NLN: variants seen among roughly 807,000 people sequenced by gnomAD.
NLN encodes the protein neurolysin, mitochondrial.
NLN carries 64 observed loss-of-function variants against 79.9 expected under a neutral mutation model. That is an observed-to-expected ratio of 0.80 (90% confidence interval 0.65 to 0.99). The LOEUF is 0.99. Ranked by LOEUF, NLN falls within the 50% of genes least tolerant of loss-of-function variation. The probability of loss-of-function intolerance (pLI) is 0.00; values close to 1 mark genes in which losing one functional copy is unlikely to be tolerated. For missense variants in NLN, 835 were observed against 858.7 expected (o/e 0.97, Z 0.34); for synonymous variants, 267 against 296.6 (o/e 0.90, Z 1.02).
chr5:65,800,222 A>G (rs760930951), intron 9 of NLN, among the ~76,000 whole-genome samples: 4 of 152,270 alleles, frequency 2.6e-5, no homozygotes, highest in Non-Finnish European at 5.9e-5. Flanking sequence ...CTTTAAATAC[A>G]GCAGAAGCTC....
chr5:65,769,546 AT>A (rs1033856636), intron 3 of NLN, among the ~76,000 whole-genome samples: 1 of 152,176 alleles, frequency 6.6e-6, no homozygotes, highest in African/African-American at 2.4e-5. Context: ...CCCACAAAAA[AT>A]TTTTTTAAAA....
Position 65,812,309 on chromosome 5 carries a change from A to G in NLN, c.1898A>G (p.Tyr633Cys), listed in dbSNP as rs754761409. 3.7e-6 allele frequency: 6 copies of G among 1,605,860 alleles called. No individual in the cohort carries two copies. The highest frequency in any genetic ancestry group is 3.3e-5 in the South Asian group (3 of 90,912). ...GHLAGGYDGQ[Y>C]YGYLWSEVFS... ...TTGGCAGGGGGATACGATGGCCAAT[A>G]TTATGGATATCTTTGGAGTGAAGTA... is the stretch of plus-strand genomic sequence containing the variant. The change falls in exon 12 of 13, where the codon TAT becomes TGT. Residue 633 changes from tyrosine (Y) to cysteine (C), a missense_variant. By Grantham distance (194) the Tyr-to-Cys change is radical. Transcript: ENST00000380985.
chr5:65,796,223 GCAT>G (rs983095224), intron 9 of NLN, among the ~76,000 whole-genome samples: 3 of 152,124 alleles, frequency 2.0e-5, no homozygotes, highest in Admixed American at 6.5e-5. Context: ...TGCTCTTGAT[GCAT>G]GTTCGTTTTT....
intron 12 of NLN, among the ~76,000 whole-genome samples, chr5:65,815,109 TA>T: frequency 6.6e-6 from 1 of 152,226 alleles, no homozygotes; most frequent in East Asian, 1.9e-4. Flanking sequence ...TATGACGTCT[TA>T]CTGGCAATCA....
rs565847513 is a variant in NLN, at chr5:65,809,605, G to A, written c.1618G>A (p.Asp540Asn). The change falls in exon 10 of 13, where the codon GAT becomes AAT. Residue 540 changes from aspartate (D) to asparagine (N), a missense_variant. Asp to Asn is a conservative substitution (Grantham distance 23). Transcript: ENST00000380985. ...QMLENWVWDV[D>N]SLRRLSKHYK... ...GCTTGAAAATTGGGTGTGGGACGTC[G>A]ATTCCCTCCGAAGATTGTCAAAACA... The A allele has an allele frequency of 4.3e-6, 7 of 1,613,852 alleles. No homozygotes were observed. The highest frequency in any genetic ancestry group is 2.2e-5 in the South Asian group (2 of 91,040).
At chr5:65,733,672 G>GGGAT in intron 1 of NLN, 1 of 1,459,478 alleles carries the variant, frequency 6.9e-7, no homozygotes, top group East Asian at 2.3e-5. Flanking sequence ...CCTGATTAGT[G>GGGAT]GGATGGATAC....
At position 65,780,281 on chromosome 5, in the gene NLN, G is replaced by A; in HGVS notation, c.661G>A (p.Gly221Ser). Residue 221 changes from glycine to serine, a missense_variant and splice_region_variant, in exon 5 of 13, where the codon GGT (glycine) becomes AGT (serine). Gly to Ser is a moderately conservative substitution (Grantham distance 56). Coordinates refer to ENST00000380985, the MANE Select transcript of NLN (RefSeq NM_020726.5). ...TFLVFSKAEL[G>S]ALPDDFIDSL... ...CCTTGTATTTTCCAAGGCTGAACTT[G>A]GTAAGTTTTATTATTTTTCTAGATT... 1 of 1,293,792 alleles carries A rather than the reference G, an allele frequency of 7.7e-7. No individual in the cohort carries two copies. Among genetic ancestry groups the A allele is most frequent in the Non-Finnish European group, 1.1e-6 (1 of 920,326 alleles). 80.1% of individuals were successfully genotyped at this position (1,293,792 alleles called of 1,614,324 possible).
chr5:65,733,638 C>T lies in NLN; in HGVS notation c.41+11224C>T. Reference sequence around the variant, plus strand: ...CTCATGGCCATCTGAGAAAGTGGACCTCCATCTTTGCTCTTAGGGAAGGCC... The same window carrying T: ...CTCATGGCCATCTGAGAAAGTGGACTTCCATCTTTGCTCTTAGGGAAGGCC... On this transcript the variant is annotated intron_variant, in intron 1 of 12. Transcript: ENST00000380985. 8.8e-6 allele frequency: 13 copies of T among 1,484,224 alleles called. 1 individual carries two copies. The highest frequency in any genetic ancestry group is 1.2e-5 in the Non-Finnish European group (13 of 1,078,844). The allele number at this position is 1,484,224 out of a possible 1,614,324, so 91.9% of individuals were successfully genotyped here.
At chr5:65,764,297 A>G (rs1395635930) in intron 3 of NLN, among the ~76,000 whole-genome samples, 1 of 152,152 alleles carries the variant, frequency 6.6e-6, no homozygotes, top group Non-Finnish European at 1.5e-5. Flanking sequence ...TTTCTTTGTC[A>G]TAGAGTACTT....
At chr5:65,807,719 C>T (rs796452349) in intron 9 of NLN, among the ~76,000 whole-genome samples, 9 of 152,246 alleles carry the variant, frequency 5.9e-5, no homozygotes, top group African/African-American at 2.2e-4. Context: ...GGATTACAGG[C>T]GTGAGTCACC....
chr5:65,802,803 A>G (rs1216153947), intron 9 of NLN, among the ~76,000 whole-genome samples: 1 of 152,132 alleles, frequency 6.6e-6, no homozygotes, highest in Non-Finnish European at 1.5e-5. Context: ...TGGAGTGGAT[A>G]GCTCCTCTCC....
chr5:65,801,495 C>T (rs1342319715), intron 9 of NLN, among the ~76,000 whole-genome samples: 1 of 152,210 alleles, frequency 6.6e-6, no homozygotes, highest in Non-Finnish European at 1.5e-5. Flanking sequence ...GCAAATTGAG[C>T]TTTCAAATTT....
At chr5:65,809,808 C>T (rs1000124969) in intron 10 of NLN, 107 bp downstream of exon 10, 41 of 1,015,864 alleles carry the variant, frequency 4.0e-5, no homozygotes, top group South Asian at 1.9e-4. Flanking sequence ...GTATCCCAAC[C>T]GTGCTAGCAT....
intron 3 of NLN, among the ~76,000 whole-genome samples, 174 bp downstream of exon 3, chr5:65,763,282 T>C (rs538462559): frequency 1.3e-5 from 2 of 152,332 alleles, no homozygotes; most frequent in East Asian, 3.9e-4. Flanking sequence ...GTTGAGGTTA[T>C]GTTGAGCTGC....
At chr5:65,736,969 G>A (rs1758740989) in intron 1 of NLN, among the ~76,000 whole-genome samples, 1 of 152,042 alleles carries the variant, frequency 6.6e-6, no homozygotes, top group Admixed American at 6.6e-5. Flanking sequence ...GCTGGGCATA[G>A]TGGCATTCAT....
chr5:65,752,977 G>A (rs1281439948), intron 1 of NLN, among the ~76,000 whole-genome samples: 1 of 151,982 alleles, frequency 6.6e-6, no homozygotes, highest in Admixed American at 6.6e-5. Context: ...CAGGTTCAGG[G>A]AATAGTATTA....
At chr5:65,766,331 C>T (rs1410482851) in intron 3 of NLN, among the ~76,000 whole-genome samples, 1 of 152,090 alleles carries the variant, frequency 6.6e-6, no homozygotes, top group African/African-American at 2.4e-5. Context: ...ACAGTCATGG[C>T]ATAAGGTAAA....
chr5:65,746,035 A>T (rs1418774546), intron 1 of NLN, among the ~76,000 whole-genome samples: 1 of 152,198 alleles, frequency 6.6e-6, no homozygotes, highest in East Asian at 1.9e-4. Context: ...CCCAACAGGC[A>T]GTTGGTCATA....
intron 1 of NLN, among the ~76,000 whole-genome samples, chr5:65,737,537 A>G (rs1409803482): frequency 6.6e-6 from 1 of 152,244 alleles, no homozygotes; most frequent in Non-Finnish European, 1.5e-5. Flanking sequence ...TGCAAAATAA[A>G]TATATTCATT....
Sources: gnomAD v4.1 joint callset for allele counts (sites outside exome capture counted in the v4.1 genomes callset) on GRCh38, gnomAD v4.1.1 for gene constraint, MANE v1.5 for transcripts, NCBI Gene and HGNC (gene_info 2026-07-23, HGNC 2026-07-21) for gene names.